The following MINDY4 variants were observed in gnomAD, a reference collection of about 807,000 sequenced individuals.
MINDY4 encodes the protein MINDY lysine 48 deubiquitinase 4.
Under a neutral mutation model 87.0 loss-of-function variants are expected in MINDY4, and 68 were observed. The ratio of observed to expected loss-of-function variants is 0.78; its 90% CI spans 0.64 to 0.96. MINDY4 has a LOEUF of 0.96. MINDY4 is among the 40% of genes least tolerant of loss of function. MINDY4 has a pLI of 0.00. For missense variants in MINDY4, 919 were observed against 928.2 expected (o/e 0.99, Z 0.13); for synonymous variants, 379 against 363.2 (o/e 1.04, Z -0.50).
At chr7:30,853,249 C>A in intron 11 of MINDY4, 145 bp from the exon 12 acceptor site, 1 of 687,180 alleles carries the variant, frequency 1.5e-6, no homozygotes, top group Non-Finnish European at 2.6e-6. Flanking sequence ...GCCTCTCAGC[C>A]CTGACTTGGA....
At chr7:30,824,217 G>C (rs1788428666) in intron 5 of MINDY4, among the ~76,000 whole-genome samples, 1 of 152,210 alleles carries the variant, frequency 6.6e-6, no homozygotes, top group East Asian at 1.9e-4. Flanking sequence ...TCTGCAGAGT[G>C]CTGAGGTAGC....
intron 15 of MINDY4, among the ~76,000 whole-genome samples, chr7:30,876,177 T>A (rs1790252497): frequency 6.6e-6 from 1 of 152,088 alleles, no homozygotes; most frequent in African/African-American, 2.4e-5. Flanking sequence ...CTCGGTGTTT[T>A]CTGGCAATCC....
At chr7:30,850,355 C>A in intron 9 of MINDY4, 99 bp from the exon 10 acceptor site, 2 of 1,098,948 alleles carry the variant, frequency 1.8e-6, no homozygotes, top group Non-Finnish European at 1.3e-6. Flanking sequence ...AAAGAACAGG[C>A]CATCTGCGGA....
intron 14 of MINDY4, among the ~76,000 whole-genome samples, chr7:30,873,919 TCC>T (rs957421178): frequency 2.6e-5 from 4 of 152,180 alleles, no homozygotes; most frequent in African/African-American, 7.2e-5. Flanking sequence ...ACACAATAAG[TCC>T]CCTTTGGTAT....
At chr7:30,803,963 T>C (rs985432786) in intron 5 of MINDY4, among the ~76,000 whole-genome samples, 2 of 152,184 alleles carry the variant, frequency 1.3e-5, no homozygotes, top group Admixed American at 1.3e-4. Flanking sequence ...GGGCCTGACA[T>C]AGAGAGAGCC....
chr7:30,811,550 A>G (rs578078497), intron 5 of MINDY4, among the ~76,000 whole-genome samples: 1 of 152,346 alleles, frequency 6.6e-6, no homozygotes, highest in African/African-American at 2.4e-5. Flanking sequence ...ATATTGTCTT[A>G]TGCCCGATTT....
chr7:30,826,047 T>C (rs889784443), intron 5 of MINDY4, among the ~76,000 whole-genome samples: 2 of 152,224 alleles, frequency 1.3e-5, no homozygotes, highest in Non-Finnish European at 2.9e-5. Context: ...CTCCAATCTC[T>C]GCTTCCATGT....
In MINDY4 at chr7:30,836,649, T is replaced by C. The variant is rs368634456; in HGVS notation, c.1133-9T>C. 5 of 1,612,356 alleles carry C rather than the reference T, an allele frequency of 3.1e-6. No homozygotes were observed. The highest frequency in any genetic ancestry group is 4.2e-6 in the Non-Finnish European group (5 of 1,178,600). On this transcript the variant is annotated splice_polypyrimidine_tract_variant and intron_variant, in intron 6 of 17. Transcript: ENST00000265299. ...ACGAAGGGCTCACATGGCCATGGTT[T>C]TCTTTCAGAGGATGTGGAGGATGAG...
intron 3 of MINDY4, among the ~76,000 whole-genome samples, chr7:30,782,949 GT>G (rs1184376806): frequency 6.6e-6 from 1 of 152,164 alleles, no homozygotes; most frequent in Non-Finnish European, 1.5e-5. Context: ...GATTGTAAAT[GT>G]TAATCACATT....
At chr7:30,824,000 G>A (rs1788420356) in intron 5 of MINDY4, among the ~76,000 whole-genome samples, 1 of 152,152 alleles carries the variant, frequency 6.6e-6, no homozygotes, top group Non-Finnish European at 1.5e-5. Context: ...TATAAATGGG[G>A]TCAATTTGAA....
At chr7:30,787,251 G>A (rs575857460) in intron 4 of MINDY4, among the ~76,000 whole-genome samples, 32 of 152,294 alleles carry the variant, frequency 2.1e-4, no homozygotes, top group African/African-American at 6.0e-4. Context: ...GAGCCTTCCC[G>A]CCACTGTGTA....
chr7:30,800,608 T>G (rs1193473371), intron 5 of MINDY4, among the ~76,000 whole-genome samples: 2 of 152,128 alleles, frequency 1.3e-5, no homozygotes, highest in Non-Finnish European at 2.9e-5. Context: ...CAGGGAGCAG[T>G]TAAGGGACGC....
intron 2 of MINDY4, 34 bp downstream of exon 2, chr7:30,778,585 G>A (rs79584800): frequency 1.2e-6 from 2 of 1,613,148 alleles, no homozygotes; most frequent in African/African-American, 2.7e-5. Flanking sequence ...GTGGAGTCTT[G>A]GAACTGAGTT....
chr7:30,836,095 A>G (rs1477464235), intron 6 of MINDY4, among the ~76,000 whole-genome samples: 1 of 152,238 alleles, frequency 6.6e-6, no homozygotes, highest in Non-Finnish European at 1.5e-5. Flanking sequence ...AAGTGGGGGT[A>G]ATGATAATTA....
chr7:30,870,307 C>T (rs185662015), intron 13 of MINDY4, among the ~76,000 whole-genome samples: 3 of 152,222 alleles, frequency 2.0e-5, no homozygotes, highest in Admixed American at 6.5e-5. Context: ...TCGGCCCCCC[C>T]TCAGGACCCT....
At chr7:30,889,885 T>TTTTGAATATCTTTTAAATA (rs1284753941) in intron 17 of MINDY4, among the ~76,000 whole-genome samples, 2 of 152,252 alleles carry the variant, frequency 1.3e-5, no homozygotes, top group Non-Finnish European at 2.9e-5. Context: ...GTATTTATTC[T>TTTTGAATATCTTTTAAATA]TGAAATATCT....
chr7:30,834,418 C>T (rs1011078180), intron 6 of MINDY4, among the ~76,000 whole-genome samples: 1 of 152,200 alleles, frequency 6.6e-6, no homozygotes, highest in Admixed American at 6.5e-5. Context: ...TGTAGGGCAC[C>T]AAGTCCTTAT....
rs746511131 is a variant in MINDY4 at position 30,891,928 on chromosome 7, CTT to C, written c.2226-27_2226-26del. On this transcript the variant is annotated intron_variant, in intron 17 of 17. Transcript: ENST00000265299. ...TCTGGGACCCTGAAGCTTGATCTCT[CTT>C]TGTCTCTCTCCTCACTCTACGCTTA... is the stretch of plus-strand genomic sequence containing the variant. The C allele has an allele frequency of 4.3e-6, 7 of 1,613,318 alleles. No homozygotes were observed. In the Admixed American group the frequency reaches 8.3e-5, roughly 19 times the overall value.
At chr7:30,833,762 G>T (rs933116297) in intron 6 of MINDY4, among the ~76,000 whole-genome samples, 56 of 152,360 alleles carry the variant, frequency 3.7e-4, no homozygotes, top group Non-Finnish European at 7.5e-4. Context: ...GGGGGTACAG[G>T]CAGTGGGAAA....
Sources: allele counts gnomAD v4.1 joint callset (sites outside exome capture counted in the v4.1 genomes callset), GRCh38; gene constraint gnomAD v4.1.1; transcripts MANE v1.5; gene names NCBI Gene and HGNC (gene_info 2026-07-23, HGNC 2026-07-21).